NF2: variants seen among roughly 807,000 people sequenced by gnomAD.
The protein encoded by NF2 is NF2, moesin-ezrin-radixin like (MERLIN) tumor suppressor, also known as merlin.
A neutral mutation model predicts 83.7 loss-of-function variants in NF2; 8 were observed. The ratio of observed to expected loss-of-function variants is 0.10; its 90% CI spans 0.06 to 0.17. The LOEUF (loss-of-function observed/expected upper bound fraction) is 0.17, where lower values mean the gene tolerates loss of function less well. Among genes scored for constraint, NF2 ranks in the 10% least tolerant of loss-of-function variants. The pLI is 1.00. For synonymous variants in NF2, 266 were observed against 269.6 expected, an observed-to-expected ratio of 0.99 and a Z score of 0.13; for missense variants, 533 against 744.4, an observed-to-expected ratio of 0.72 and a Z score of 3.31.
chr22:29,682,441 A>G (rs894631862), intron 15 of NF2, among the ~76,000 whole-genome samples: 1 of 151,466 alleles, frequency 6.6e-6, no homozygotes, highest in Non-Finnish European at 1.5e-5. Context: ...GTATCTGAAA[A>G]CTCCAGGGGA....
At chr22:29,658,894 G>T (rs1203743760) in intron 7 of NF2, among the ~76,000 whole-genome samples, 2 of 152,122 alleles carry the variant, frequency 1.3e-5, no homozygotes, top group African/African-American at 4.8e-5. Flanking sequence ...ATTTGCCAAA[G>T]CATTTCACTA....
intron 15 of NF2, among the ~76,000 whole-genome samples, chr22:29,681,873 G>T (rs1325708965): frequency 6.6e-6 from 1 of 152,176 alleles, no homozygotes; most frequent in Non-Finnish European, 1.5e-5. Flanking sequence ...TCATTTAGCA[G>T]TAAAGCATAA....
In NF2 at chr22:29,694,725, C is replaced by G. The variant is rs1016748332; in HGVS notation, c.1738-27C>G. 6 of 1,612,750 alleles carry G rather than the reference C, an allele frequency of 3.7e-6. No individual in the cohort carries two copies. Among genetic ancestry groups the G allele is most frequent in the Non-Finnish European group, 5.1e-6 (6 of 1,179,432 alleles). On this transcript the variant is annotated intron_variant, in intron 15 of 15. Transcript: ENST00000338641. The surrounding 1 kb of genome is among the most constrained non-coding windows in gnomAD (Gnocchi z 4.1). The stretch of plus-strand genomic sequence containing the variant: ...TGACAGAGCGGAGGTCTTGTGCCCT[C>G]TCAGCTTCTTCTCTGCTTTCTTACA...
intron 14 of NF2, among the ~76,000 whole-genome samples, chr22:29,678,586 T>G (rs1215391114): frequency 6.6e-6 from 1 of 152,242 alleles, no homozygotes; most frequent in Non-Finnish European, 1.5e-5. Flanking sequence ...CTGGAGTTTT[T>G]GGTGGCTCTA....
At chr22:29,608,974 A>G (rs936019661) in intron 1 of NF2, 8 of 630,388 alleles carry the variant, frequency 1.3e-5, no homozygotes, top group Admixed American at 2.2e-5. Flanking sequence ...GTGCCTCTGG[A>G]TGCTAGACTC....
At position 29,654,757 on chromosome 22, in the gene NF2, A is replaced by G. The variant is rs370848861; in HGVS notation, c.516+32A>G. 3.3e-4 allele frequency: 498 copies of G among 1,520,594 alleles called. 1 individual carries two copies. Among genetic ancestry groups the G allele is most frequent in the Middle Eastern group, 6.8e-4 (4 of 5,876 alleles). The allele number at this position is 1,520,594 out of a possible 1,614,324, so 94.2% of individuals were successfully genotyped here. ...GATTAAATTCCCTTTTCAGGAAGAC[A>G]TAGCAGATATGTGGTCTAAAAGAAA... On this transcript the variant is annotated intron_variant, in intron 5 of 15. Transcript: ENST00000338641.
intron 8 of NF2, among the ~76,000 whole-genome samples, chr22:29,663,668 C>T (rs141214819): frequency 3.3e-5 from 5 of 152,354 alleles, no homozygotes; most frequent in African/African-American, 1.2e-4. Context: ...TCTAAGTTAA[C>T]TTGGCTGAAA....
intron 15 of NF2, among the ~76,000 whole-genome samples, chr22:29,689,101 C>T (rs2067337864): frequency 6.9e-6 from 1 of 145,740 alleles, no homozygotes; most frequent in East Asian, 2.1e-4. Context: ...ATCACTTAAA[C>T]CCAGGAGGCA....
At chr22:29,683,426 G>T in intron 15 of NF2, 2 of 1,263,870 alleles carry the variant, frequency 1.6e-6, no homozygotes, top group Non-Finnish European at 1.0e-6. Context: ...CATGGAAATG[G>T]GGTCAATCTG....
At chr22:29,681,697 A>T in intron 15 of NF2, 96 bp downstream of exon 15, 6 of 1,458,854 alleles carry the variant, frequency 4.1e-6, no homozygotes, top group Non-Finnish European at 5.7e-6. Flanking sequence ...AAGTCACTAG[A>T]CTATTGGCAT....
intron 1 of NF2, among the ~76,000 whole-genome samples, chr22:29,611,409 T>G (rs902675475): frequency 5.9e-5 from 9 of 151,996 alleles, no homozygotes; most frequent in African/African-American, 2.2e-4. Flanking sequence ...TACCTATAAT[T>G]GTAGCTACTT....
chr22:29,687,301 A>T (rs1223006905), intron 15 of NF2, among the ~76,000 whole-genome samples: 3 of 152,200 alleles, frequency 2.0e-5, no homozygotes, highest in Non-Finnish European at 4.4e-5. Context: ...GTTTCCACTG[A>T]TGGAGGAACA....
chr22:29,689,666 C>T (rs2283863), intron 15 of NF2, among the ~76,000 whole-genome samples: 1 of 151,850 alleles, frequency 6.6e-6, no homozygotes, highest in African/African-American at 2.4e-5. Flanking sequence ...GGCAAGGCCC[C>T]CAGAGACTAG....
chr22:29,693,511 G>C (rs1434911861), intron 15 of NF2, among the ~76,000 whole-genome samples: 3 of 151,996 alleles, frequency 2.0e-5, no homozygotes, highest in African/African-American at 7.2e-5. Flanking sequence ...TTATGGAGCC[G>C]CCGATAGTAC....
intron 9 of NF2, 56 bp from the exon 10 acceptor site, chr22:29,668,277 A>T: frequency 7.8e-7 from 1 of 1,285,114 alleles, no homozygotes. Flanking sequence ...GTGGGCCAGT[A>T]GGCAGTGAAG....
intron 15 of NF2, among the ~76,000 whole-genome samples, chr22:29,682,705 A>G (rs985925252): frequency 2.0e-5 from 3 of 152,184 alleles, no homozygotes; most frequent in Non-Finnish European, 2.9e-5. Context: ...AGGTAAAACG[A>G]TGGCTGAGCC....
At chr22:29,610,418 G>A (rs1193897843) in intron 1 of NF2, among the ~76,000 whole-genome samples, 1 of 152,066 alleles carries the variant, frequency 6.6e-6, no homozygotes, top group African/African-American at 2.4e-5. Context: ...GCCAAGGTGG[G>A]CAGATCACGA....
At chr22:29,651,950 C>T (rs968529094) in intron 4 of NF2, among the ~76,000 whole-genome samples, 2 of 152,134 alleles carry the variant, frequency 1.3e-5, no homozygotes, top group African/African-American at 2.4e-5. Flanking sequence ...AGGAGGCAAA[C>T]AATGATCAAT....
chr22:29,624,615 T>C (rs2065295148), intron 1 of NF2, among the ~76,000 whole-genome samples: 1 of 152,216 alleles, frequency 6.6e-6, no homozygotes, highest in Non-Finnish European at 1.5e-5. Context: ...TGTCATGGGC[T>C]GGGAGTGTGG....
Sources: allele counts gnomAD v4.1 joint callset (sites outside exome capture counted in the v4.1 genomes callset), GRCh38; gene constraint gnomAD v4.1.1; non-coding constraint Gnocchi (gnomAD v3.1); transcripts MANE v1.5; gene names NCBI Gene and HGNC (gene_info 2026-07-23, HGNC 2026-07-21).